The following SPSB1 variants were observed in gnomAD, a reference collection of about 807,000 sequenced individuals.
The protein encoded by SPSB1 is splA/ryanodine receptor domain and SOCS box containing 1.
Under a neutral mutation model 21.2 loss-of-function variants are expected in SPSB1, and 8 were observed. That is an observed-to-expected ratio of 0.38 (90% confidence interval 0.22 to 0.68). The LOEUF is 0.68. Among genes scored for constraint, SPSB1 ranks in the 30% least tolerant of loss-of-function variants. SPSB1 has a pLI of 0.53. For synonymous variants in SPSB1, 169 were observed against 161.7 expected, an observed-to-expected ratio of 1.05 and a Z score of -0.34; for missense variants, 242 against 377.8, an observed-to-expected ratio of 0.64 and a Z score of 2.98.
At chr1:9,333,591 A>G (rs991900427) in intron 1 of SPSB1, among the ~76,000 whole-genome samples, 68 of 152,230 alleles carry the variant, frequency 4.5e-4, no homozygotes, top group African/African-American at 1.6e-3. Context: ...TCGGCCTCCC[A>G]AAGTGCTGGG....
rs1177450157 is a variant in SPSB1, at chr1:9,321,950, C to G, written c.-150+28879C>G. Among the ~76,000 whole-genome samples the G allele has an allele frequency of 6.6e-6, 1 of 152,164 alleles. No individual in the cohort carries two copies. Among genetic ancestry groups the G allele is most frequent in the Non-Finnish European group, 1.5e-5 (1 of 68,026 alleles). On this transcript the variant is annotated intron_variant, in intron 1 of 2. Transcript: ENST00000328089. This position sits in a 1 kb window ranked among gnomAD's most constrained non-coding sequence, Gnocchi z 4.8. The stretch of plus-strand genomic sequence containing the variant: ...GTGATCCTGCTCTGGGCTCTCCAGT[C>G]ACCTCTAACCCTGTGGGGGACAACC...
At chr1:9,328,839 T>A (rs1639867786) in intron 1 of SPSB1, among the ~76,000 whole-genome samples, 1 of 152,184 alleles carries the variant, frequency 6.6e-6, no homozygotes, top group South Asian at 2.1e-4. Context: ...GAGGCTTGTG[T>A]CGGGCGTGGC....
intron 1 of SPSB1, among the ~76,000 whole-genome samples, chr1:9,312,441 G>A (rs780707152): frequency 3.7e-4 from 56 of 152,136 alleles, no homozygotes; most frequent in Non-Finnish European, 2.9e-4. Context: ...TTATGCACAC[G>A]CCACGCAGTT....
chr1:9,364,594 T>C (rs1557468598), intron 2 of SPSB1, among the ~76,000 whole-genome samples: 1 of 152,160 alleles, frequency 6.6e-6, no homozygotes, highest in Admixed American at 6.5e-5. Context: ...GTGGGATCCT[T>C]GACCTTAAAG....
At chr1:9,339,143 C>T in intron 1 of SPSB1, 1 of 915,650 alleles carries the variant, frequency 1.1e-6, no homozygotes, top group Non-Finnish European at 1.3e-6. Context: ...TGCGGGGGCT[C>T]CGGAGGTCCT....
At chr1:9,311,747 CGT>C (rs1286000973) in intron 1 of SPSB1, among the ~76,000 whole-genome samples, 1 of 152,106 alleles carries the variant, frequency 6.6e-6, no homozygotes, top group Non-Finnish European at 1.5e-5. Flanking sequence ...AGACGTGAAA[CGT>C]GGCTTTATCT....
At chr1:9,325,558 G>A (rs758549515) in intron 1 of SPSB1, among the ~76,000 whole-genome samples, 8 of 151,444 alleles carry the variant, frequency 5.3e-5, no homozygotes, top group Non-Finnish European at 8.8e-5. Context: ...AGGTGGCACC[G>A]TGGAACAGAC....
rs1640354996 is a variant in SPSB1, at chr1:9,355,957, G to A, written c.66G>A (p.Leu22=). ...TGAGGGACCCCACGTACAGGCCCCT[G>A]AAGCAGGAGCTCCAGGGTCTGGATT... ...VDMRDPTYRP[L]KQELQGLDYC... is the part of the protein sequence containing the mutation. The change falls in exon 2 of 3, where the codon CTG becomes CTA. Residue 22 remains leucine (L), a synonymous_variant. Coordinates refer to ENST00000328089, the MANE Select transcript of SPSB1 (RefSeq NM_025106.4). 6.2e-7 allele frequency: 1 copy of A among 1,613,654 alleles called. No individual in the cohort carries two copies. The highest frequency in any genetic ancestry group is 8.5e-7 in the Non-Finnish European group (1 of 1,179,780).
At chr1:9,330,292 A>C (rs1050430950) in intron 1 of SPSB1, among the ~76,000 whole-genome samples, 2 of 152,058 alleles carry the variant, frequency 1.3e-5, no homozygotes, top group African/African-American at 4.8e-5. Context: ...ACACGGTGAA[A>C]CCCCGTCTCT....
At chr1:9,310,251 C>T (rs1479392030) in intron 1 of SPSB1, among the ~76,000 whole-genome samples, 1 of 152,110 alleles carries the variant, frequency 6.6e-6, no homozygotes, top group Non-Finnish European at 1.5e-5. Context: ...TGGGACTTGC[C>T]TCTTGGGTTG....
chr1:9,351,159 T>C (rs618432), intron 1 of SPSB1, among the ~76,000 whole-genome samples: 4,355 of 152,328 alleles, frequency 0.029, 209 homozygotes, highest in African/African-American at 0.091. Context: ...TGAAACACAT[T>C]CATGCCCATT....
At chr1:9,295,235 TGTGTGTGC>T (rs746756350) in intron 1 of SPSB1, among the ~76,000 whole-genome samples, 2,430 of 145,694 alleles carry the variant, frequency 0.017, 31 homozygotes, top group South Asian at 0.051. Context: ...TGTGTGTGTG[TGTGTGTGC>T]GCGCGTGCGG....
At chr1:9,329,622 TG>T (rs1639881235) in intron 1 of SPSB1, among the ~76,000 whole-genome samples, 1 of 143,774 alleles carries the variant, frequency 7.0e-6, no homozygotes, top group Non-Finnish European at 1.5e-5. Context: ...TGAACCAGGA[TG>T]GGGAGGTTGC....
At chr1:9,352,310 G>A (rs1640272668) in intron 1 of SPSB1, among the ~76,000 whole-genome samples, 1 of 152,156 alleles carries the variant, frequency 6.6e-6, no homozygotes. Context: ...CCCAGCCTCT[G>A]GGGATCCCCC....
chr1:9,354,547 A>G (rs1248323112), intron 1 of SPSB1, among the ~76,000 whole-genome samples: 1 of 152,088 alleles, frequency 6.6e-6, no homozygotes, highest in Non-Finnish European at 1.5e-5. Context: ...CTCCTTGAAT[A>G]GAACTCTTCC....
At chr1:9,296,215 C>G (rs1639222605) in intron 1 of SPSB1, among the ~76,000 whole-genome samples, 1 of 152,154 alleles carries the variant, frequency 6.6e-6, no homozygotes. Context: ...GATCTGAGTC[C>G]TTGACGCATT....
intron 1 of SPSB1, among the ~76,000 whole-genome samples, chr1:9,353,601 G>C (rs1640306995): frequency 6.6e-6 from 1 of 152,166 alleles, no homozygotes; most frequent in South Asian, 2.1e-4. Flanking sequence ...GCTCTGAAGA[G>C]ATGACCGTGC....
At position 9,345,698 on chromosome 1, in the gene SPSB1, C is replaced by A. The variant is rs1382704111; in HGVS notation, c.-149-10045C>A. Among the ~76,000 whole-genome samples the A allele has an allele frequency of 6.6e-6, 1 of 152,148 alleles. No homozygotes were observed. Among genetic ancestry groups the A allele is most frequent in the Admixed American group, 6.5e-5 (1 of 15,278 alleles). On this transcript the variant is annotated intron_variant, in intron 1 of 2. Transcript: ENST00000328089. The surrounding 1 kb of genome is among the most constrained non-coding windows in gnomAD (Gnocchi z 4.8). ...TGAAAGTGCTGTGAGTCATCTGGGC[C>A]CTTCCATAGGTGTTTACAGCAGGTG...
At chr1:9,347,549 CTT>C (rs1388778119) in intron 1 of SPSB1, among the ~76,000 whole-genome samples, 1 of 152,196 alleles carries the variant, frequency 6.6e-6, no homozygotes, top group Admixed American at 6.5e-5. Context: ...CAGAGAGAAT[CTT>C]TTTAAATTCT....
Sources: allele counts gnomAD v4.1 joint callset (sites outside exome capture counted in the v4.1 genomes callset), GRCh38; gene constraint gnomAD v4.1.1; non-coding constraint Gnocchi (gnomAD v3.1); transcripts MANE v1.5; gene names NCBI Gene and HGNC (gene_info 2026-07-23, HGNC 2026-07-21).